Variants in CFAP206 observed in about 807,000 individuals in gnomAD.
CFAP206 encodes the protein cilia- and flagella-associated protein 206.
Under a neutral mutation model 65.4 loss-of-function variants are expected in CFAP206, and 53 were observed. That is an observed-to-expected ratio of 0.81 (90% CI 0.65 to 1.02). The LOEUF is 1.02. CFAP206 is among the 50% of genes least tolerant of loss of function. The pLI is 0.00. For synonymous variants in CFAP206, 250 were observed against 254.4 expected, an observed-to-expected ratio of 0.98 and a Z score of 0.17; for missense variants, 663 against 753.2, an observed-to-expected ratio of 0.88 and a Z score of 1.40.
At chr6:87,422,522 C>A (rs1450145279) in intron 7 of CFAP206, among the ~76,000 whole-genome samples, 1 of 149,864 alleles carries the variant, frequency 6.7e-6, no homozygotes, top group Non-Finnish European at 1.5e-5. Context: ...GAGGCCGAGG[C>A]AGGTTGATCA....
intron 10 of CFAP206, among the ~76,000 whole-genome samples, chr6:87,431,635 ACACGC>A (rs1768158257): frequency 6.6e-6 from 1 of 152,118 alleles, no homozygotes; most frequent in South Asian, 2.1e-4. Context: ...GCATGGTGGC[ACACGC>A]CTGTAGTCCC....
Position 87,458,330 on chromosome 6 carries a change from AGAAAG to A in CFAP206, c.1495-2687_1495-2683del, listed in dbSNP as rs577869399. Among the ~76,000 whole-genome samples, 9 of 152,312 alleles carry A rather than the reference AGAAAG, an allele frequency of 5.9e-5. No individual in the cohort carries two copies. The East Asian group carries it at 1.5e-3, about 26-fold the overall frequency. ...TCCCACTGCTAGGTATATACCCAAAAGAAAGGAAATCAGTATATCAAGGAGATATC... is the reference window on the plus strand; with the variant it reads ...TCCCACTGCTAGGTATATACCCAAAAGAAATCAGTATATCAAGGAGATATC... On this transcript the variant is annotated intron_variant, in intron 11 of 12. Coordinates refer to ENST00000369562, the MANE Select transcript of CFAP206 (RefSeq NM_001031743.3).
chr6:87,434,298 A>G (rs1443156684), intron 10 of CFAP206, among the ~76,000 whole-genome samples: 1 of 152,034 alleles, frequency 6.6e-6, no homozygotes, highest in African/African-American at 2.4e-5. Flanking sequence ...TGGGAGGGTA[A>G]GGCAGGAGGA....
chr6:87,409,227 CT>C (rs71785518), intron 1 of CFAP206, among the ~76,000 whole-genome samples: 144 of 142,754 alleles, frequency 1.0e-3, no homozygotes, highest in East Asian at 1.2e-3. Context: ...ACTGCTTAGC[CT>C]TTTTTTTTTT....
intron 11 of CFAP206, among the ~76,000 whole-genome samples, chr6:87,451,994 G>A (rs1192723268): frequency 6.6e-6 from 1 of 152,074 alleles, no homozygotes; most frequent in Non-Finnish European, 1.5e-5. Flanking sequence ...CCAGAAAATA[G>A]TTGCCACAGT....
At chr6:87,408,176 GC>G in intron 1 of CFAP206, 87 bp downstream of exon 1, 1 of 617,366 alleles carries the variant, frequency 1.6e-6, no homozygotes, top group South Asian at 7.1e-5. Context: ...AGCTCGGGCG[GC>G]TGGAGGACCG....
At chr6:87,415,441 C>A in intron 4 of CFAP206, 1 of 431,348 alleles carries the variant, frequency 2.3e-6, no homozygotes, top group South Asian at 2.3e-5. Context: ...TTTAGTTTGG[C>A]TGTTTAAAGT....
intron 4 of CFAP206, among the ~76,000 whole-genome samples, chr6:87,414,369 A>T (rs1767788768): frequency 6.6e-6 from 1 of 152,162 alleles, no homozygotes. Context: ...CGATCCACAG[A>T]TCACTGCAAC....
At chr6:87,460,913 A>G (rs1338432746) in intron 11 of CFAP206, 109 bp from the exon 12 acceptor site, 4 of 906,796 alleles carry the variant, frequency 4.4e-6, no homozygotes, top group Non-Finnish European at 4.8e-6. Flanking sequence ...TTCCATGTCC[A>G]AAAATTATTG....
At chr6:87,416,896 A>G in intron 6 of CFAP206, 69 bp downstream of exon 6, 1 of 1,343,862 alleles carries the variant, frequency 7.4e-7, no homozygotes, top group East Asian at 2.3e-5. Flanking sequence ...AGTGAGGAAA[A>G]TAATAAACAA....
At chr6:87,441,601 T>G (rs1455212404) in intron 11 of CFAP206, 1 of 171,572 alleles carries the variant, frequency 5.8e-6, no homozygotes, top group Non-Finnish European at 1.2e-5. Flanking sequence ...TCATAACTGC[T>G]TGGTCAAGCT....
chr6:87,455,693 T>C (rs540354416), intron 11 of CFAP206, among the ~76,000 whole-genome samples: 5 of 151,948 alleles, frequency 3.3e-5, no homozygotes, highest in South Asian at 4.2e-4. Flanking sequence ...ACAACTGATA[T>C]CACAAAAATT....
intron 7 of CFAP206, among the ~76,000 whole-genome samples, chr6:87,420,145 C>T (rs1243833337): frequency 6.6e-6 from 1 of 152,170 alleles, no homozygotes; most frequent in African/African-American, 2.4e-5. Flanking sequence ...TTTCCCTTTA[C>T]ATTACCTTGT....
At chr6:87,450,568 T>A (rs1284047799) in intron 11 of CFAP206, among the ~76,000 whole-genome samples, 3 of 86,788 alleles carry the variant, frequency 3.5e-5, no homozygotes, top group Non-Finnish European at 6.3e-5. Context: ...AAGCTACTTA[T>A]GGCAAAAAAA....
In CFAP206 at chr6:87,431,123, G is replaced by A. The variant is rs561463743; in HGVS notation, c.1250G>A (p.Arg417Gln). 2.0e-5 allele frequency: 32 copies of A among 1,613,796 alleles called. No homozygotes were observed. The highest frequency in any genetic ancestry group is 1.6e-4 in the South Asian group (15 of 91,024). The change falls in exon 10 of 13, where the codon CGG becomes CAG. Residue 417 changes from arginine to glutamine, a missense_variant. Arg to Gln is a conservative substitution (Grantham distance 43, BLOSUM62 1). Coordinates refer to ENST00000369562, the MANE Select transcript of CFAP206 (RefSeq NM_001031743.3). ...TTTGATAAACTGTTAATTCAATATC[G>A]GGGATTTTGTGCTTACACGTTTGCT... ...ANFDKLLIQY[R>Q]GFCAYTFAAT...
At chr6:87,414,713 T>C (rs1488369676) in intron 4 of CFAP206, among the ~76,000 whole-genome samples, 1 of 152,228 alleles carries the variant, frequency 6.6e-6, no homozygotes, top group Non-Finnish European at 1.5e-5. Flanking sequence ...CAAGTCTATT[T>C]CTCTATGGAC....
chr6:87,408,750 T>C (rs1452463890), intron 1 of CFAP206: 1 of 152,220 alleles, frequency 6.6e-6, no homozygotes, highest in East Asian at 1.9e-4. Context: ...TCCTCACACC[T>C]CTGGAAAGAA....
At position 87,464,336 on chromosome 6, in the gene CFAP206, T is replaced by C; in HGVS notation, c.*86T>C. 5 of 985,814 alleles carry C rather than the reference T, an allele frequency of 5.1e-6. No individual in the cohort carries two copies. The highest frequency in any genetic ancestry group is 7.1e-6 in the Non-Finnish European group (5 of 701,430). The allele number at this position is 985,814 out of a possible 1,614,324, so 61.1% of individuals were successfully genotyped here. A position where few individuals can be genotyped will look rare whatever the true frequency, so the allele number is the denominator to read the frequency against. ...GTATATTAACATCTATACAAATTAA[T>C]TTTGTAGGGGTGGCACATTCATTGG... On this transcript the variant is annotated 3_prime_UTR_variant, in exon 13 of 13. Coordinates refer to ENST00000369562, the MANE Select transcript of CFAP206 (RefSeq NM_001031743.3).
chr6:87,408,187 G>C (rs894553166), intron 1 of CFAP206, 98 bp downstream of exon 1: 7 of 444,866 alleles, frequency 1.6e-5, no homozygotes, highest in Non-Finnish European at 2.1e-5. Flanking sequence ...CTGGAGGACC[G>C]CGTCCTGCCT....
Sources: allele counts gnomAD v4.1 joint callset (sites outside exome capture counted in the v4.1 genomes callset), GRCh38; gene constraint gnomAD v4.1.1; transcripts MANE v1.5; gene names NCBI Gene and HGNC (gene_info 2026-07-23, HGNC 2026-07-21).